PALLD: variants seen among roughly 807,000 people sequenced by gnomAD.
PALLD encodes palladin, cytoskeletal associated protein, also known as palladin.
Under a neutral mutation model 123.5 loss-of-function variants are expected in PALLD, and 61 were observed. The observed-to-expected ratio is 0.49, with a 90% CI of 0.40 to 0.61. The LOEUF is 0.61. PALLD is among the 20% of genes least tolerant of loss of function. The pLI, the probability that PALLD is intolerant of heterozygous loss-of-function variation, is 0.00. For synonymous variants in PALLD, 465 were observed against 496.4 expected (o/e 0.94, Z 0.84); for missense variants, 1,273 against 1,377.0 (o/e 0.92, Z 1.20).
At chr4:168,789,145 G>A (rs1737156243) in intron 10 of PALLD, among the ~76,000 whole-genome samples, 1 of 152,038 alleles carries the variant, frequency 6.6e-6, no homozygotes, top group Admixed American at 6.6e-5. Flanking sequence ...TGATTCTTTT[G>A]TTAAAATTTC....
In PALLD at chr4:168,928,311, TTTATA is replaced by T. The variant is rs1163924433; in HGVS notation, c.*2134_*2138del. 7.0e-6 allele frequency: 1 copy of T among 141,922 alleles called. No homozygotes were observed. The highest frequency in any genetic ancestry group is 1.5e-5 in the Non-Finnish European group (1 of 68,806). The allele number at this position is 141,922 out of a possible 1,614,324, so 8.8% of individuals were successfully genotyped here. A position where few individuals can be genotyped will look rare whatever the true frequency, so the allele number is the denominator to read the frequency against. On this transcript the variant is annotated 3_prime_UTR_variant, in exon 22 of 22. Transcript: ENST00000505667. The stretch of plus-strand genomic sequence containing the variant: ...GATTAACTAGCATTATTTTGCCACC[TTTATA>T]TTGTATTTATAAAAAAAAAAGTACT...
intron 2 of PALLD, among the ~76,000 whole-genome samples, chr4:168,602,954 G>A (rs1166918229): frequency 6.6e-6 from 1 of 151,754 alleles, no homozygotes; most frequent in African/African-American, 2.4e-5. Flanking sequence ...AAATTGCAGA[G>A]AAAAGGTCTT....
At chr4:168,675,600 A>G (rs1426992723) in intron 3 of PALLD, among the ~76,000 whole-genome samples, 1 of 152,170 alleles carries the variant, frequency 6.6e-6, no homozygotes, top group African/African-American at 2.4e-5. Flanking sequence ...TGATGGCTCT[A>G]TGCTTTGGTT....
At chr4:168,794,440 CAT>C (rs1295238217) in intron 10 of PALLD, among the ~76,000 whole-genome samples, 20 of 106,590 alleles carry the variant, frequency 1.9e-4, no homozygotes, top group Admixed American at 1.1e-3. Context: ...CGCGCACACA[CAT>C]AGACATACGC....
chr4:168,838,382 G>T (rs1412674441), intron 10 of PALLD, among the ~76,000 whole-genome samples: 1 of 152,124 alleles, frequency 6.6e-6, no homozygotes, highest in Non-Finnish European at 1.5e-5. Flanking sequence ...AGGAGCAATG[G>T]AAGCTCGTGG....
At chr4:168,898,964 A>G (rs577050591) in intron 14 of PALLD, among the ~76,000 whole-genome samples, 4 of 152,190 alleles carry the variant, frequency 2.6e-5, no homozygotes, top group Admixed American at 2.0e-4. Context: ...TCACACACCT[A>G]TATCATTTAT....
chr4:168,540,548 GA>G (rs530626695), intron 2 of PALLD, among the ~76,000 whole-genome samples: 1 of 151,684 alleles, frequency 6.6e-6, no homozygotes, highest in African/African-American at 2.4e-5. Context: ...CAAGAGCCTG[GA>G]AAAAAAATTA....
intron 2 of PALLD, among the ~76,000 whole-genome samples, chr4:168,602,879 C>T (rs940261148): frequency 2.6e-5 from 4 of 152,038 alleles, no homozygotes; most frequent in Non-Finnish European, 5.9e-5. Context: ...AATCCTCCCA[C>T]CTCAGCCTCC....
chr4:168,759,179 C>CAAAAAAAAA lies in PALLD; in HGVS notation c.1964+47272_1964+47280dup, dbSNP rs1175955888. On this transcript the variant is annotated intron_variant, in intron 10 of 21. Coordinates refer to ENST00000505667, the MANE Select transcript of PALLD (RefSeq NM_001166108.2). ...GGGTGACAAGAGTGAGACTCCATCT[C>CAAAAAAAAA]AAAAAAAAAAAAAAAAAAAAAAAAT... Among the ~76,000 whole-genome samples the CAAAAAAAAA allele has an allele frequency of 1.1e-3, 10 of 9,042 alleles. 1 individual carries two copies. The highest frequency in any genetic ancestry group is 6.8e-3 in the East Asian group (1 of 146). The allele number at this position is 9,042 out of a possible 152,430, so 5.9% of individuals were successfully genotyped here.
At chr4:168,878,271 C>G (rs1170732221) in intron 10 of PALLD, 1 of 1,526,430 alleles carries the variant, frequency 6.6e-7, no homozygotes, top group African/African-American at 1.4e-5. Flanking sequence ...TCCCACTGCT[C>G]GTCGCCTGCC....
At chr4:168,735,804 G>A (rs562609858) in intron 10 of PALLD, among the ~76,000 whole-genome samples, 1 of 152,214 alleles carries the variant, frequency 6.6e-6, no homozygotes, top group African/African-American at 2.4e-5. Flanking sequence ...CTGAAAGTCT[G>A]TCTTCTGAAC....
At chr4:168,671,552 T>G (rs1254769542) in intron 3 of PALLD, among the ~76,000 whole-genome samples, 1 of 152,124 alleles carries the variant, frequency 6.6e-6, no homozygotes, top group Non-Finnish European at 1.5e-5. Context: ...AATGAAGAGG[T>G]GTGAAGATTC....
Position 168,752,138 on chromosome 4 carries a change from C to T in PALLD, c.1964+40215C>T, listed in dbSNP as rs140596197. Among the ~76,000 whole-genome samples the T allele has an allele frequency of 3.2e-3, 485 of 152,310 alleles. 3 individuals are homozygous for T. Among genetic ancestry groups the T allele is most frequent in the African/African-American group, 0.011 (458 of 41,556 alleles). On this transcript the variant is annotated intron_variant, in intron 10 of 21. Coordinates refer to ENST00000505667, the MANE Select transcript of PALLD (RefSeq NM_001166108.2). ...CTGTAATCCCAGCACTTCGGGAGGCCGAGGCGGGTGGATTGCTTGAGCACA... is the reference window on the plus strand; with the variant it reads ...CTGTAATCCCAGCACTTCGGGAGGCTGAGGCGGGTGGATTGCTTGAGCACA...
chr4:168,576,784 G>GTTCTAGAT (rs1179557947), intron 2 of PALLD, among the ~76,000 whole-genome samples: 5 of 152,166 alleles, frequency 3.3e-5, no homozygotes, highest in African/African-American at 1.2e-4. Context: ...GGTATTTCTA[G>GTTCTAGAT]TTCTAGATCC....
At chr4:168,913,680 GTA>G (rs1472191503) in intron 15 of PALLD, among the ~76,000 whole-genome samples, 1 of 151,744 alleles carries the variant, frequency 6.6e-6, no homozygotes, top group African/African-American at 2.4e-5. Context: ...AGATAAAACA[GTA>G]AAGCTTATTT....
At chr4:168,611,888 C>T (rs1028125471) in intron 2 of PALLD, among the ~76,000 whole-genome samples, 1 of 152,148 alleles carries the variant, frequency 6.6e-6, no homozygotes, top group South Asian at 2.1e-4. Context: ...GGCCAGGCGC[C>T]ATGGCTCATG....
intron 3 of PALLD, among the ~76,000 whole-genome samples, chr4:168,676,063 A>C (rs1292663455): frequency 6.6e-6 from 1 of 152,190 alleles, no homozygotes; most frequent in Admixed American, 6.5e-5. Flanking sequence ...TCAAAAAATA[A>C]AAATAAAAAA....
At chr4:168,870,944 A>G (rs574219570) in intron 10 of PALLD, among the ~76,000 whole-genome samples, 2 of 152,350 alleles carry the variant, frequency 1.3e-5, no homozygotes, top group East Asian at 3.9e-4. Context: ...TTTACATTGT[A>G]TAGAAATCTA....
intron 15 of PALLD, among the ~76,000 whole-genome samples, chr4:168,908,506 T>A (rs541768788): frequency 6.6e-6 from 1 of 152,210 alleles, no homozygotes; most frequent in African/African-American, 2.4e-5. Context: ...GAAAAAAAAA[T>A]TCAAAATAGC....
Sources: allele counts gnomAD v4.1 joint callset (sites outside exome capture counted in the v4.1 genomes callset), GRCh38; gene constraint gnomAD v4.1.1; transcripts MANE v1.5; gene names NCBI Gene and HGNC (gene_info 2026-07-23, HGNC 2026-07-21).